Variants in ABHD6 observed in about 807,000 individuals in gnomAD.
ABHD6 encodes the protein abhydrolase domain containing 6, acylglycerol lipase, also known as monoacylglycerol lipase ABHD6.
ABHD6 carries 33 observed loss-of-function variants against 38.8 expected under a neutral mutation model. That is an observed-to-expected ratio of 0.85 (90% CI 0.64 to 1.14). The LOEUF (loss-of-function observed/expected upper bound fraction) is 1.14, where lower values mean the gene tolerates loss of function less well. Ranked by LOEUF, ABHD6 falls within the 50% of genes most tolerant of loss-of-function variation. The probability of loss-of-function intolerance (pLI) is 0.00; values close to 1 mark genes in which losing one functional copy is unlikely to be tolerated. For missense variants in ABHD6, 380 were observed against 422.6 expected (o/e 0.90, Z 0.88); for synonymous variants, 147 against 161.6 (o/e 0.91, Z 0.69).
chr3:58,289,979 G>T (rs1424298978), intron 9 of ABHD6, among the ~76,000 whole-genome samples: 3 of 142,742 alleles, frequency 2.1e-5, no homozygotes, highest in East Asian at 2.1e-4. Flanking sequence ...GAGGCGGCTG[G>T]CCGGGCGGGG....
At chr3:58,247,795 G>A (rs761035498) in intron 1 of ABHD6, among the ~76,000 whole-genome samples, 3 of 152,160 alleles carry the variant, frequency 2.0e-5, no homozygotes, top group Non-Finnish European at 4.4e-5. Flanking sequence ...GGCTGGTCTC[G>A]AACTACTGGC....
At chr3:58,237,986 C>T (rs193097912) in intron 1 of ABHD6, 70 bp downstream of exon 1, 1 of 152,670 alleles carries the variant, frequency 6.6e-6, no homozygotes, top group African/African-American at 2.4e-5. Context: ...GGCCCCGTGA[C>T]CTCTCCCCCA....
At chr3:58,241,450 G>A (rs779968253) in intron 1 of ABHD6, among the ~76,000 whole-genome samples, 5 of 152,192 alleles carry the variant, frequency 3.3e-5, no homozygotes, top group East Asian at 1.9e-4. Flanking sequence ...AGGGGAGCAG[G>A]ACAGCACTCA....
rs1326964162 is a variant in ABHD6, at chr3:58,293,144, G to A, written c.838-445G>A. On this transcript the variant is annotated intron_variant, in intron 9 of 9. Coordinates refer to ENST00000478253, the MANE Select transcript of ABHD6 (RefSeq NM_001320126.2). This position sits in a 1 kb window ranked among gnomAD's most constrained non-coding sequence, Gnocchi z 4.4. ...TGCCCATGTGCTTGGTGTCTCAGCC[G>A]CCGTGCTCCTTGGTGGCCCCTGCAC... Among the ~76,000 whole-genome samples, 4 of 151,876 alleles carry A rather than the reference G, an allele frequency of 2.6e-5. No homozygotes were observed. Among genetic ancestry groups the A allele is most frequent in the Non-Finnish European group, 4.4e-5 (3 of 67,978 alleles).
chr3:58,280,708 T>C (rs2097452465), intron 7 of ABHD6, among the ~76,000 whole-genome samples: 1 of 152,256 alleles, frequency 6.6e-6, no homozygotes, highest in Non-Finnish European at 1.5e-5. Flanking sequence ...TCTGCTCTGG[T>C]TTCTCCCCAT....
chr3:58,279,569 T>C (rs2097451380), intron 7 of ABHD6, among the ~76,000 whole-genome samples: 1 of 152,222 alleles, frequency 6.6e-6, no homozygotes, highest in Admixed American at 6.5e-5. Context: ...GTCTTTTAAT[T>C]GGGGCATTTA....
chr3:58,247,517 C>T (rs2097427240), intron 1 of ABHD6, among the ~76,000 whole-genome samples: 1 of 152,130 alleles, frequency 6.6e-6, no homozygotes, highest in Non-Finnish European at 1.5e-5. Flanking sequence ...CCATATTGGA[C>T]AATACAGATG....
chr3:58,274,637 A>G (rs1186623407), intron 6 of ABHD6, 21 bp from the exon 7 acceptor site: 8 of 1,609,782 alleles, frequency 5.0e-6, no homozygotes, highest in Non-Finnish European at 6.8e-6. Flanking sequence ...TCATCAAGCC[A>G]TTTGGGTTTG....
rs1230342939 is a variant in ABHD6, at chr3:58,240,741, T to TTTG, written c.-91+2827_-91+2828insGTT. The stretch of plus-strand genomic sequence containing the variant: ...CACCAAACCTGGGTAATTTTTTTTT[T>TTTG]TTTTTTTGAGACGGAGTCTTGCTCT... On this transcript the variant is annotated intron_variant, in intron 1 of 9. Coordinates refer to ENST00000478253, the MANE Select transcript of ABHD6 (RefSeq NM_001320126.2). 4.9e-4 allele frequency among the ~76,000 whole-genome samples: 73 copies of TTTG among 150,294 alleles called. 1 individual carries two copies. Among genetic ancestry groups the TTTG allele is most frequent in the African/African-American group, 1.7e-3 (71 of 40,692 alleles).
chr3:58,291,132 C>T (rs2097462404), intron 9 of ABHD6, among the ~76,000 whole-genome samples: 1 of 151,292 alleles, frequency 6.6e-6, no homozygotes. Flanking sequence ...ATCCCGGCAC[C>T]TCCGGAGGCC....
At chr3:58,244,276 A>T (rs1427928244) in intron 1 of ABHD6, among the ~76,000 whole-genome samples, 1 of 152,240 alleles carries the variant, frequency 6.6e-6, no homozygotes, top group Non-Finnish European at 1.5e-5. Flanking sequence ...CCAACAATTG[A>T]TAAAGAGAAG....
rs2097440275 is a variant in ABHD6 at position 58,265,448 on chromosome 3, A to C, written c.120-1741A>C. On this transcript the variant is annotated intron_variant, in intron 3 of 9. Coordinates refer to ENST00000478253, the MANE Select transcript of ABHD6 (RefSeq NM_001320126.2). The surrounding 1 kb of genome is among the most constrained non-coding windows in gnomAD (Gnocchi z 4.2). ...TAATTTTTCCTTTTAATTTTTGGCA[A>C]ATGATGTATTTGGAAGGACAAAATC... Among the ~76,000 whole-genome samples, 1 of 152,164 alleles carries C rather than the reference A, an allele frequency of 6.6e-6. No individual in the cohort carries two copies. The highest frequency in any genetic ancestry group is 1.5e-5 in the Non-Finnish European group (1 of 68,026).
At chr3:58,244,129 A>G (rs1160867667) in intron 1 of ABHD6, among the ~76,000 whole-genome samples, 4 of 152,344 alleles carry the variant, frequency 2.6e-5, no homozygotes, top group South Asian at 4.1e-4. Flanking sequence ...ATGTTTTGCA[A>G]ATATGACATA....
intron 1 of ABHD6, among the ~76,000 whole-genome samples, chr3:58,246,440 C>T (rs1266502174): frequency 6.6e-6 from 1 of 152,202 alleles, no homozygotes; most frequent in Non-Finnish European, 1.5e-5. Flanking sequence ...GACTGATCTG[C>T]CTGCCTGTCC....
chr3:58,262,451 G>C (rs769756505), intron 3 of ABHD6, among the ~76,000 whole-genome samples: 12 of 152,162 alleles, frequency 7.9e-5, no homozygotes, highest in Non-Finnish European at 1.0e-4. Flanking sequence ...CCCCGAGGAG[G>C]TCCTCTTTGG....
chr3:58,262,493 A>T (rs6797435), intron 3 of ABHD6, among the ~76,000 whole-genome samples: 1 of 152,096 alleles, frequency 6.6e-6, no homozygotes, highest in South Asian at 2.1e-4. Flanking sequence ...AGAGCCTTCA[A>T]TGACTTCTGT....
rs2097440163 is a variant in ABHD6 at position 58,265,254 on chromosome 3, G to GT, written c.120-1929dup. ...TTTAATTACTAGTGAACTTGAACAT[G>GT]TTTTTTATGTTTGTTAGTCATTAAT... On this transcript the variant is annotated intron_variant, in intron 3 of 9. Coordinates refer to ENST00000478253, the MANE Select transcript of ABHD6 (RefSeq NM_001320126.2). The surrounding 1 kb of genome is among the most constrained non-coding windows in gnomAD (Gnocchi z 4.2). 6.6e-6 allele frequency among the ~76,000 whole-genome samples: 1 copy of GT among 152,240 alleles called. No homozygotes were observed. Among genetic ancestry groups the GT allele is most frequent in the Non-Finnish European group, 1.5e-5 (1 of 68,006 alleles).
intron 7 of ABHD6, 85 bp downstream of exon 7, chr3:58,274,900 A>G: frequency 6.8e-7 from 1 of 1,468,308 alleles, no homozygotes; most frequent in Admixed American, 2.0e-5. Context: ...TCCCTCCTTC[A>G]CCTACTCATT....
At chr3:58,290,120 C>T (rs1270632540) in intron 9 of ABHD6, among the ~76,000 whole-genome samples, 1 of 114,332 alleles carries the variant, frequency 8.7e-6, no homozygotes, top group South Asian at 3.0e-4. Flanking sequence ...GGCGGCCGGG[C>T]AGAGGCGCCC....
Sources: gnomAD v4.1 joint callset for allele counts (sites outside exome capture counted in the v4.1 genomes callset) on GRCh38, gnomAD v4.1.1 for gene constraint, Gnocchi (gnomAD v3.1) non-coding constraint, MANE v1.5 for transcripts, NCBI Gene and HGNC (gene_info 2026-07-23, HGNC 2026-07-21) for gene names.